Variants in GATA4 observed in about 807,000 individuals in gnomAD.
GATA4 encodes GATA binding protein 4, also known as transcription factor GATA-4.
GATA4 carries 7 observed loss-of-function variants against 37.9 expected under a neutral mutation model. The observed-to-expected ratio is 0.18, with a 90% CI of 0.11 to 0.35. The LOEUF (loss-of-function observed/expected upper bound fraction) is 0.35, where lower values mean the gene tolerates loss of function less well. Ranked by LOEUF, GATA4 falls within the 10% of genes least tolerant of loss-of-function variation. The probability of loss-of-function intolerance (pLI) is 1.00; values close to 1 mark genes in which losing one functional copy is unlikely to be tolerated. For synonymous variants in GATA4, 372 were observed against 292.6 expected (o/e 1.27, Z -2.77); for missense variants, 647 against 653.0 (o/e 0.99, Z 0.10).
In GATA4 at chr8:11,709,581, G is replaced by T. The variant is rs979305928; in HGVS notation, c.616+653G>T. On this transcript the variant is annotated intron_variant, in intron 2 of 6. Transcript: ENST00000532059. The surrounding 1 kb of genome is among the most constrained non-coding windows in gnomAD (Gnocchi z 4.3). ...GGGCGCATCATGCGGGCAGCGGGGG[G>T]GGGGGCGCACACGCCCGGTCAGTGT... 1.3e-5 allele frequency among the ~76,000 whole-genome samples: 2 copies of T among 151,966 alleles called. No individual in the cohort carries two copies. The highest frequency in any genetic ancestry group is 2.4e-5 in the African/African-American group (1 of 41,530).
chr8:11,745,411 CAAA>C (rs3030049), intron 2 of GATA4, among the ~76,000 whole-genome samples: 11 of 104,034 alleles, frequency 1.1e-4, no homozygotes, highest in African/African-American at 4.2e-4. Context: ...TTGTCTCTAC[CAAA>C]AAAAAAAAAA....
At chr8:11,757,126 C>T (rs1363884276) in intron 6 of GATA4, 43 bp downstream of exon 6, 2 of 1,609,478 alleles carry the variant, frequency 1.2e-6, no homozygotes, top group Admixed American at 3.3e-5. Context: ...TGTGGGGAGG[C>T]CGACTGCAGA....
At chr8:11,718,256 G>A (rs976219922) in intron 2 of GATA4, among the ~76,000 whole-genome samples, 3 of 152,190 alleles carry the variant, frequency 2.0e-5, no homozygotes, top group Non-Finnish European at 4.4e-5. Context: ...TCTGGCAGGT[G>A]GCCTATGCTT....
intron 2 of GATA4, among the ~76,000 whole-genome samples, chr8:11,718,810 G>A (rs1280350490): frequency 3.3e-5 from 5 of 152,230 alleles, no homozygotes; most frequent in Non-Finnish European, 5.9e-5. Context: ...CTGATCGATA[G>A]CAACTGGTGA....
chr8:11,745,505 G>C (rs1801987171), intron 2 of GATA4, among the ~76,000 whole-genome samples: 1 of 151,802 alleles, frequency 6.6e-6, no homozygotes, highest in South Asian at 2.1e-4. Flanking sequence ...AGGATTGCTT[G>C]AGCCTAGGAG....
At chr8:11,693,207 T>G (rs1338235021) in intron 1 of GATA4, among the ~76,000 whole-genome samples, 1 of 152,188 alleles carries the variant, frequency 6.6e-6, no homozygotes, top group Non-Finnish European at 1.5e-5. Flanking sequence ...GGCGCATATT[T>G]GTAATCCCAG....
Position 11,730,084 on chromosome 8 carries a change from G to A in GATA4, c.617-18832G>A, listed in dbSNP as rs532889277. Among the ~76,000 whole-genome samples, 6 of 152,088 alleles carry A rather than the reference G, an allele frequency of 3.9e-5. No homozygotes were observed. In the East Asian group the frequency reaches 5.8e-4, roughly 15 times the overall value. ...GGAATTACTACCATGCCCAGCTAAC[G>A]TCTATATTTTTTGGAGGTAGGGTTT... On this transcript the variant is annotated intron_variant, in intron 2 of 6. Transcript: ENST00000532059.
At chr8:11,719,562 G>A (rs1338430198) in intron 2 of GATA4, among the ~76,000 whole-genome samples, 1 of 151,978 alleles carries the variant, frequency 6.6e-6, no homozygotes, top group Non-Finnish European at 1.5e-5. Context: ...TAGAAAAATG[G>A]AAAACTCACA....
At chr8:11,683,768 C>T (rs1799052901) in intron 1 of GATA4, among the ~76,000 whole-genome samples, 1 of 152,174 alleles carries the variant, frequency 6.6e-6, no homozygotes, top group Non-Finnish European at 1.5e-5. Context: ...GTTGGAAGGG[C>T]CCCAGAGGTT....
At chr8:11,679,524 T>C (rs1798886474) in intron 1 of GATA4, among the ~76,000 whole-genome samples, 1 of 152,086 alleles carries the variant, frequency 6.6e-6, no homozygotes, top group African/African-American at 2.4e-5. Context: ...GGCGGCGGAA[T>C]GAAAAGGAAC....
At chr8:11,736,926 G>T (rs1048395876) in intron 2 of GATA4, among the ~76,000 whole-genome samples, 1 of 152,198 alleles carries the variant, frequency 6.6e-6, no homozygotes, top group Non-Finnish European at 1.5e-5. Flanking sequence ...GCAGGGCATT[G>T]TCTCCTGGCC....
At chr8:11,721,704 C>A (rs1390160173) in intron 2 of GATA4, among the ~76,000 whole-genome samples, 5 of 152,110 alleles carry the variant, frequency 3.3e-5, no homozygotes, top group Non-Finnish European at 7.3e-5. Flanking sequence ...GGAGCCCTGC[C>A]CTGGGAAGGA....
chr8:11,682,585 TAAAG>T (rs1799005960), intron 1 of GATA4, among the ~76,000 whole-genome samples: 2 of 133,924 alleles, frequency 1.5e-5, no homozygotes, highest in South Asian at 2.6e-4. Context: ...TCAAGAAACT[TAAAG>T]AAAGCTTTAA....
chr8:11,755,947 G>A (rs993381381), intron 5 of GATA4, among the ~76,000 whole-genome samples: 1 of 149,514 alleles, frequency 6.7e-6, no homozygotes, highest in African/African-American at 2.4e-5. Flanking sequence ...AAAGAACGAG[G>A]GCTGTTCTTT....
At chr8:11,727,269 G>A (rs1356891818) in intron 2 of GATA4, among the ~76,000 whole-genome samples, 1 of 152,142 alleles carries the variant, frequency 6.6e-6, no homozygotes, top group Non-Finnish European at 1.5e-5. Flanking sequence ...TCCAGGAGTG[G>A]CATTAATAAT....
At chr8:11,724,337 C>T (rs10106250) in intron 2 of GATA4, among the ~76,000 whole-genome samples, 4,178 of 152,248 alleles carry the variant, frequency 0.027, 192 homozygotes, top group African/African-American at 0.095. Context: ...TGCCCAAAAG[C>T]GGCATTGCTG....
Position 11,708,537 on chromosome 8 carries a change from G to T in GATA4, c.225G>T (p.Ala75=). The T allele has an allele frequency of 6.9e-7, 1 of 1,439,280 alleles. No homozygotes were observed. Among genetic ancestry groups the T allele is most frequent in the Non-Finnish European group, 9.1e-7 (1 of 1,103,906 alleles). The allele number at this position is 1,439,280 out of a possible 1,614,324, so 89.2% of individuals were successfully genotyped here. A position where few individuals can be genotyped will look rare whatever the true frequency, so the allele number is the denominator to read the frequency against. ...GASGGSSGGA[A]SGAGPGTQQG... ...CGGGCGGCAGCTCCGGTGGGGCCGC[G>T]TCTGGTGCGGGGCCCGGGACCCAGC... The change falls in exon 2 of 7, where the codon GCG becomes GCT. Residue 75 remains alanine (A), a synonymous_variant. Transcript: ENST00000532059. The surrounding 1 kb of genome is among the most constrained non-coding windows in gnomAD (Gnocchi z 6.7).
At chr8:11,695,823 G>T (rs1214027503) in intron 1 of GATA4, among the ~76,000 whole-genome samples, 1 of 152,188 alleles carries the variant, frequency 6.6e-6, no homozygotes, top group African/African-American at 2.4e-5. Flanking sequence ...GTATGTTTGT[G>T]CCATACATGC....
chr8:11,692,487 C>A (rs971437863), upstream of GATA4: 39 of 983,572 alleles, frequency 4.0e-5, no homozygotes, highest in Non-Finnish European at 4.7e-5. Context: ...TGAATTTTCT[C>A]CTCCCGTGCA....
Sources: allele counts gnomAD v4.1 joint callset (sites outside exome capture counted in the v4.1 genomes callset), GRCh38; gene constraint gnomAD v4.1.1; non-coding constraint Gnocchi (gnomAD v3.1); transcripts MANE v1.5; gene names NCBI Gene and HGNC (gene_info 2026-07-23, HGNC 2026-07-21).